Variants in MKRN2 observed in about 807,000 individuals in gnomAD.
MKRN2 encodes makorin ring finger protein 2.
MKRN2 carries 32 observed loss-of-function variants against 45.4 expected under a neutral mutation model. The observed-to-expected ratio is 0.70, with a 90% CI of 0.53 to 0.95. The LOEUF (loss-of-function observed/expected upper bound fraction) is 0.95. Among genes scored for constraint, MKRN2 ranks in the 40% least tolerant of loss-of-function variants. The probability of loss-of-function intolerance (pLI) is 0.00; values close to 1 mark genes in which losing one functional copy is unlikely to be tolerated. For synonymous variants in MKRN2, 206 were observed against 192.4 expected (o/e 1.07, Z -0.59); for missense variants, 526 against 536.7 (o/e 0.98, Z 0.20).
At chr3:12,580,663 T>C (rs1486932407) in intron 6 of MKRN2, among the ~76,000 whole-genome samples, 1 of 152,180 alleles carries the variant, frequency 6.6e-6, no homozygotes, top group African/African-American at 2.4e-5. Flanking sequence ...TTCGCTGTGT[T>C]GGCCAGGCTG....
At chr3:12,578,406 C>T (rs2058156388) in intron 6 of MKRN2, among the ~76,000 whole-genome samples, 1 of 150,800 alleles carries the variant, frequency 6.6e-6, no homozygotes, top group Non-Finnish European at 1.5e-5. Flanking sequence ...CTGCCACCTC[C>T]GCCTTCCAGG....
At chr3:12,558,497 T>A (rs2058004278) in intron 1 of MKRN2, among the ~76,000 whole-genome samples, 2 of 152,222 alleles carry the variant, frequency 1.3e-5, no homozygotes, top group Admixed American at 1.3e-4. Context: ...TACCATTTAT[T>A]CCCGTACCTC....
At position 12,582,505 on chromosome 3, in the gene MKRN2, G is replaced by C. The variant is rs947238873; in HGVS notation, c.*252G>C. On this transcript the variant is annotated 3_prime_UTR_variant, in exon 8 of 8. Coordinates refer to ENST00000170447, the MANE Select transcript of MKRN2 (RefSeq NM_014160.5). ...TATAGTTACACCTCAAGCCCCTCAGGGGTAACAACTAACAAACACCCAAAC... is the reference window on the plus strand; with the variant it reads ...TATAGTTACACCTCAAGCCCCTCAGCGGTAACAACTAACAAACACCCAAAC... 7.3e-6 allele frequency: 3 copies of C among 409,724 alleles called. No individual in the cohort carries two copies. The highest frequency in any genetic ancestry group is 5.9e-5 in the African/African-American group (3 of 50,670). The allele number at this position is 409,724 out of a possible 1,614,324, so 25.4% of individuals were successfully genotyped here.
At chr3:12,569,148 C>T (rs1163915239) in intron 2 of MKRN2, 145 bp downstream of exon 2, 1 of 1,052,048 alleles carries the variant, frequency 9.5e-7, no homozygotes, top group Non-Finnish European at 1.3e-6. Flanking sequence ...GTTTCAGTAC[C>T]CTAAAACTAA....
chr3:12,564,326 C>T (rs879569042), intron 1 of MKRN2, among the ~76,000 whole-genome samples: 10 of 152,156 alleles, frequency 6.6e-5, no homozygotes, highest in East Asian at 3.8e-4. Flanking sequence ...AAGGAACTTC[C>T]GTACTGTTTT....
chr3:12,561,360 A>C (rs1036838193), intron 1 of MKRN2, among the ~76,000 whole-genome samples: 7 of 152,252 alleles, frequency 4.6e-5, no homozygotes, highest in Non-Finnish European at 7.3e-5. Context: ...GCATCCTTGC[A>C]GGAGACCACT....
chr3:12,562,647 C>T (rs2058045619), intron 1 of MKRN2, among the ~76,000 whole-genome samples: 1 of 152,130 alleles, frequency 6.6e-6, no homozygotes, highest in Non-Finnish European at 1.5e-5. Flanking sequence ...AAAGCTTTAT[C>T]TGTGTTTATA....
In MKRN2 at chr3:12,557,136, C is replaced by G. The variant is rs572518149; in HGVS notation, c.-15C>G. 7 of 1,511,800 alleles carry G rather than the reference C, an allele frequency of 4.6e-6. No individual in the cohort carries two copies. The highest frequency in any genetic ancestry group is 6.2e-6 in the Non-Finnish European group (7 of 1,132,722). 93.6% of individuals were successfully genotyped at this position (1,511,800 alleles called of 1,614,324 possible). On this transcript the variant is annotated 5_prime_UTR_variant, in exon 1 of 8. Transcript: ENST00000170447. Reference sequence around the variant, plus strand: ...AGAGGCGGCGGCACGACGACGGTCCCTCAGCCCAGCCACCATGAGCACCAA... The same window carrying G: ...AGAGGCGGCGGCACGACGACGGTCCGTCAGCCCAGCCACCATGAGCACCAA...
At chr3:12,572,402 A>C in intron 4 of MKRN2, 29 bp downstream of exon 4, 65 of 1,522,332 alleles carry the variant, frequency 4.3e-5, no homozygotes, top group African/African-American at 5.5e-5. Flanking sequence ...GCATGAACTC[A>C]TGTTAAGAAA....
At chr3:12,567,566 G>A (rs1245692479) in intron 1 of MKRN2, among the ~76,000 whole-genome samples, 6 of 136,336 alleles carry the variant, frequency 4.4e-5, no homozygotes, top group Admixed American at 8.3e-5. Flanking sequence ...TCGGCTCACC[G>A]CAACCTCCAC....
chr3:12,562,516 C>CT (rs1291225742), intron 1 of MKRN2, among the ~76,000 whole-genome samples: 1 of 152,154 alleles, frequency 6.6e-6, no homozygotes, highest in Non-Finnish European at 1.5e-5. Flanking sequence ...AAAAATAAAA[C>CT]TTTAACAGCC....
At chr3:12,563,678 C>T (rs2058052812) in intron 1 of MKRN2, among the ~76,000 whole-genome samples, 1 of 129,076 alleles carries the variant, frequency 7.7e-6, no homozygotes, top group African/African-American at 3.0e-5. Context: ...TTAGTAGAGA[C>T]GGGGTTTCAC....
chr3:12,572,177 A>G lies in MKRN2; in HGVS notation c.446A>G (p.Asp149Gly). 1 of 1,614,068 alleles carries G rather than the reference A, an allele frequency of 6.2e-7. No individual in the cohort carries two copies. The highest frequency in any genetic ancestry group is 8.5e-7 in the Non-Finnish European group (1 of 1,180,006). ...GAGATGAAGCCGCATTCCTACCTGG[A>G]TGCCATCAGGAGTGGCCTTGATGAC... ...SPEMKPHSYL[D>G]AIRSGLDDVE... Residue 149 changes from aspartate (D) to glycine (G), a missense_variant, in exon 4 of 8, where the codon GAT becomes GGT. Asp to Gly is a moderately conservative substitution (Grantham distance 94). Coordinates refer to ENST00000170447, the MANE Select transcript of MKRN2 (RefSeq NM_014160.5).
intron 1 of MKRN2, among the ~76,000 whole-genome samples, chr3:12,559,952 G>C (rs892318550): frequency 2.0e-5 from 3 of 152,162 alleles, no homozygotes; most frequent in Non-Finnish European, 2.9e-5. Context: ...TTCTTTGAAA[G>C]TCACAAAACA....
At chr3:12,569,567 G>A (rs757013414) in intron 2 of MKRN2, among the ~76,000 whole-genome samples, 14 of 152,068 alleles carry the variant, frequency 9.2e-5, no homozygotes, top group Non-Finnish European at 1.6e-4. Context: ...GCAAAGAGCC[G>A]ATCTTTTCTT....
chr3:12,568,751 C>T (rs1427561708), intron 1 of MKRN2, 124 bp from the exon 2 acceptor site: 1 of 1,272,444 alleles, frequency 7.9e-7, no homozygotes, highest in Admixed American at 2.5e-5. Flanking sequence ...CTCTCCAGTG[C>T]CTAATAGAGC....
chr3:12,565,013 CTGTT>C (rs943813041), intron 1 of MKRN2, among the ~76,000 whole-genome samples: 12 of 152,196 alleles, frequency 7.9e-5, no homozygotes, highest in South Asian at 6.2e-4. Flanking sequence ...TTTTCTCTGT[CTGTT>C]CATCAGTTGA....
intron 1 of MKRN2, among the ~76,000 whole-genome samples, chr3:12,568,248 A>T (rs369421391): frequency 6.6e-6 from 1 of 152,232 alleles, no homozygotes; most frequent in Non-Finnish European, 1.5e-5. Flanking sequence ...AGACTGTGCC[A>T]TTGCACTTCA....
chr3:12,561,201 G>T (rs2058034032), intron 1 of MKRN2: 1 of 152,190 alleles, frequency 6.6e-6, no homozygotes, highest in African/African-American at 2.4e-5. Context: ...TGGCTTTTAT[G>T]AAGTCACCAG....
Sources: allele counts gnomAD v4.1 joint callset (sites outside exome capture counted in the v4.1 genomes callset), GRCh38; gene constraint gnomAD v4.1.1; transcripts MANE v1.5; gene names NCBI Gene and HGNC (gene_info 2026-07-23, HGNC 2026-07-21).